The following KCNQ1 variants were observed in gnomAD, a reference collection of about 807,000 sequenced individuals.
The protein encoded by KCNQ1 is potassium voltage-gated channel subfamily KQT member 1.
Under a neutral mutation model 72.4 loss-of-function variants are expected in KCNQ1, and 49 were observed. That is an observed-to-expected ratio of 0.68 (90% CI 0.54 to 0.86). KCNQ1 has a LOEUF of 0.86. Among genes scored for constraint, KCNQ1 ranks in the 40% least tolerant of loss-of-function variants. The pLI is 0.00. For synonymous variants in KCNQ1, 450 were observed against 412.6 expected, an observed-to-expected ratio of 1.09 and a Z score of -1.10; for missense variants, 790 against 945.1, an observed-to-expected ratio of 0.84 and a Z score of 2.15.
intron 11 of KCNQ1, among the ~76,000 whole-genome samples, chr11:2,738,415 G>A (rs1845994846): frequency 6.6e-6 from 1 of 152,356 alleles, no homozygotes; most frequent in South Asian, 2.1e-4. Context: ...TAAGCGCCAT[G>A]TGAGAATGCA....
intron 1 of KCNQ1, among the ~76,000 whole-genome samples, chr11:2,469,666 T>G (rs1350444938): frequency 7.0e-6 from 1 of 143,354 alleles, no homozygotes; most frequent in Non-Finnish European, 1.5e-5. Context: ...TTCAGTTCTT[T>G]TAAACAATTT....
In KCNQ1 at chr11:2,687,702, G is replaced by A. The variant is rs1850514933; in HGVS notation, c.1514+25621G>A. ...AGCTCAGGGTTCAGTGTTGGAATGG[G>A]TCTGGGCCCAGATTTCAAGCCAGTA... is the stretch of plus-strand genomic sequence containing the variant. On this transcript the variant is annotated intron_variant, in intron 11 of 15. Coordinates refer to ENST00000155840, the MANE Select transcript of KCNQ1 (RefSeq NM_000218.3). This position sits in a 1 kb window ranked among gnomAD's most constrained non-coding sequence, Gnocchi z 5.0. 5.0e-6 allele frequency: 2 copies of A among 398,666 alleles called. No homozygotes were observed. The highest frequency in any genetic ancestry group is 8.8e-6 in the Non-Finnish European group (2 of 226,194). 24.7% of individuals were successfully genotyped at this position (398,666 alleles called of 1,614,324 possible). A position where few individuals can be genotyped will look rare whatever the true frequency, so the allele number is the denominator to read the frequency against.
At chr11:2,581,171 TGCCCTGCCCAG>T (rs1468936857) in intron 6 of KCNQ1, among the ~76,000 whole-genome samples, 1 of 152,202 alleles carries the variant, frequency 6.6e-6, no homozygotes, top group Non-Finnish European at 1.5e-5. Flanking sequence ...CCAGGGTCCC[TGCCCTGCCCAG>T]GCCCTTCTAG....
rs867182360 is a variant in KCNQ1, at chr11:2,783,670, G to A, written c.1794+5633G>A. ...TTCTCCACAGCCTTGCAAATACATGGTCTTTTCTATTTTAGCCCTTTTAGT... is the reference window on the plus strand; with the variant it reads ...TTCTCCACAGCCTTGCAAATACATGATCTTTTCTATTTTAGCCCTTTTAGT... On this transcript the variant is annotated intron_variant, in intron 15 of 15. Coordinates refer to ENST00000155840, the MANE Select transcript of KCNQ1 (RefSeq NM_000218.3). The surrounding 1 kb of genome is among the most constrained non-coding windows in gnomAD (Gnocchi z 5.2). Among the ~76,000 whole-genome samples the A allele has an allele frequency of 4.9e-4, 75 of 151,928 alleles. No homozygotes were observed. Among genetic ancestry groups the A allele is most frequent in the Non-Finnish European group, 1.0e-4 (7 of 67,858 alleles).
At chr11:2,667,508 G>A (rs1037668946) in intron 11 of KCNQ1, 4 of 398,122 alleles carry the variant, frequency 1.0e-5, no homozygotes, top group African/African-American at 6.2e-5. Context: ...CACAGAGGTG[G>A]CTGGAGGGCA....
chr11:2,619,984 A>T, intron 10 of KCNQ1: 1 of 398,098 alleles, frequency 2.5e-6, no homozygotes, highest in Non-Finnish European at 4.4e-6. Flanking sequence ...TGAGCATAGT[A>T]CCCAATAGGT....
rs115468914 is a variant in KCNQ1 at position 2,759,536 on chromosome 11, A to G, written c.1515-9308A>G. 7.4e-3 allele frequency among the ~76,000 whole-genome samples: 1,131 copies of G among 152,224 alleles called. 13 individuals are homozygous for G. Among genetic ancestry groups the G allele is most frequent in the African/African-American group, 0.026 (1,082 of 41,530 alleles). On this transcript the variant is annotated intron_variant, in intron 11 of 15. Transcript: ENST00000155840. This position sits in a 1 kb window ranked among gnomAD's most constrained non-coding sequence, Gnocchi z 4.4. ...GTCTCCTAGGACGCACAGGTGTGGGACCTCACTGCGCGGGAGGGAGTTGCA... is the reference window on the plus strand; with the variant it reads ...GTCTCCTAGGACGCACAGGTGTGGGGCCTCACTGCGCGGGAGGGAGTTGCA...
Position 2,507,503 on chromosome 11 carries a change from C to G in KCNQ1, c.387-20425C>G, listed in dbSNP as rs3819510. On this transcript the variant is annotated intron_variant, in intron 1 of 15. Coordinates refer to ENST00000155840, the MANE Select transcript of KCNQ1 (RefSeq NM_000218.3). The surrounding 1 kb of genome is among the most constrained non-coding windows in gnomAD (Gnocchi z 5.4). ...CAGGTAGATAAGGTGGCGGGTGCAG[C>G]GGGAGGAAGAGAAAAGGATGCTGCT... 0.7 allele frequency among the ~76,000 whole-genome samples: 106,896 copies of G among 152,036 alleles called. 38,033 individuals carry two copies. The highest frequency in any genetic ancestry group is 0.76 in the Non-Finnish European group (51,973 of 67,972).
chr11:2,452,422 C>T (rs777590777), intron 1 of KCNQ1, among the ~76,000 whole-genome samples: 4 of 152,174 alleles, frequency 2.6e-5, no homozygotes, highest in South Asian at 2.1e-4. Flanking sequence ...TCGACTTCCA[C>T]GCAGAGCAGC....
rs1043807330 is a variant in KCNQ1, at chr11:2,817,289, C to T, written c.1795-30478C>T. On this transcript the variant is annotated intron_variant, in intron 15 of 15. Transcript: ENST00000155840. This position sits in a 1 kb window ranked among gnomAD's most constrained non-coding sequence, Gnocchi z 6.1. ...GGTTGCAGTCAGATGTTTTTAACTA[C>T]GTTGGACAGAACCCACGGCGGCCCT... Among the ~76,000 whole-genome samples the T allele has an allele frequency of 1.3e-5, 2 of 152,196 alleles. No homozygotes were observed. Among genetic ancestry groups the T allele is most frequent in the Admixed American group, 1.3e-4 (2 of 15,288 alleles).
chr11:2,628,460 C>T (rs1849295839), intron 10 of KCNQ1: 5 of 398,236 alleles, frequency 1.3e-5, no homozygotes, highest in South Asian at 1.3e-4. Context: ...TATTCAGTCC[C>T]TTGTCCATCT....
chr11:2,513,487 C>T (rs1170436584), intron 1 of KCNQ1, among the ~76,000 whole-genome samples: 4 of 152,158 alleles, frequency 2.6e-5, no homozygotes, highest in Non-Finnish European at 5.9e-5. Context: ...CTTGGGCCCT[C>T]TTCCCCAGGG....
At chr11:2,558,087 A>T (rs1848098220) in intron 2 of KCNQ1, among the ~76,000 whole-genome samples, 1 of 152,236 alleles carries the variant, frequency 6.6e-6, no homozygotes, top group East Asian at 1.9e-4. Flanking sequence ...AAATAGCCAG[A>T]AAGAAGAGAT....
chr11:2,734,470 G>A lies in KCNQ1; in HGVS notation c.1515-34374G>A, dbSNP rs773145751. ...CCAGCTGTGCTGGGCAAGGCAGGACGGGATCCTTGGTGATGGGCAGAATGT... is the reference window on the plus strand; with the variant it reads ...CCAGCTGTGCTGGGCAAGGCAGGACAGGATCCTTGGTGATGGGCAGAATGT... On this transcript the variant is annotated intron_variant, in intron 11 of 15. Coordinates refer to ENST00000155840, the MANE Select transcript of KCNQ1 (RefSeq NM_000218.3). The surrounding 1 kb of genome is among the most constrained non-coding windows in gnomAD (Gnocchi z 7.0). 1.3e-5 allele frequency among the ~76,000 whole-genome samples: 2 copies of A among 152,216 alleles called. No homozygotes were observed. The highest frequency in any genetic ancestry group is 2.9e-5 in the Non-Finnish European group (2 of 68,040).
chr11:2,591,339 A>G (rs990263566), intron 10 of KCNQ1, among the ~76,000 whole-genome samples: 2 of 152,134 alleles, frequency 1.3e-5, no homozygotes, highest in Admixed American at 6.5e-5. Context: ...CTCCCGCTCC[A>G]CTGGGCACCA....
intron 15 of KCNQ1, among the ~76,000 whole-genome samples, chr11:2,789,880 TG>T (rs1346005078): frequency 6.6e-6 from 1 of 152,182 alleles, no homozygotes; most frequent in Non-Finnish European, 1.5e-5. Context: ...CTTGGTCCTC[TG>T]GTCTCCCCTG....
rs559120145 is a variant in KCNQ1, at chr11:2,623,189, G to A, written c.1393+34335G>A. The stretch of plus-strand genomic sequence containing the variant: ...TGTGCCTGCTTCTCCTTTGCCTTCC[G>A]CCATGATTTTAAGTTTCTGAGGCCT... On this transcript the variant is annotated intron_variant, in intron 10 of 15. Transcript: ENST00000155840. The surrounding 1 kb of genome is among the most constrained non-coding windows in gnomAD (Gnocchi z 5.2). The A allele has an allele frequency of 7.0e-5, 28 of 398,490 alleles. No homozygotes were observed. Among genetic ancestry groups the A allele is most frequent in the South Asian group, 2.5e-4 (2 of 7,848 alleles). 24.7% of individuals were successfully genotyped at this position (398,490 alleles called of 1,614,324 possible).
At chr11:2,524,428 T>G (rs1217457302) in intron 1 of KCNQ1, among the ~76,000 whole-genome samples, 2 of 152,074 alleles carry the variant, frequency 1.3e-5, no homozygotes, top group Admixed American at 1.3e-4. Flanking sequence ...ACTTGTAGCA[T>G]GTGTTTGATG....
Position 2,764,485 on chromosome 11 carries a change from A to G in KCNQ1, c.1515-4359A>G, listed in dbSNP as rs895734285. 2.0e-5 allele frequency among the ~76,000 whole-genome samples: 3 copies of G among 152,156 alleles called. No individual in the cohort carries two copies. The highest frequency in any genetic ancestry group is 7.2e-5 in the African/African-American group (3 of 41,442). Reference sequence around the variant, plus strand: ...ATTTGCACGTATGTTCACGAGAGAGATTAACCTGTGATTTTTTTTTTCTTT... The same window carrying G: ...ATTTGCACGTATGTTCACGAGAGAGGTTAACCTGTGATTTTTTTTTTCTTT... On this transcript the variant is annotated intron_variant, in intron 11 of 15. Transcript: ENST00000155840. This position sits in a 1 kb window ranked among gnomAD's most constrained non-coding sequence, Gnocchi z 4.8.
Sources: allele counts gnomAD v4.1 joint callset (sites outside exome capture counted in the v4.1 genomes callset), GRCh38; gene constraint gnomAD v4.1.1; non-coding constraint Gnocchi (gnomAD v3.1); transcripts MANE v1.5; gene names NCBI Gene and HGNC (gene_info 2026-07-23, HGNC 2026-07-21).